Variants in PPP1R35 observed in about 807,000 individuals in gnomAD.
PPP1R35 encodes the protein UPF0683 protein C7orf47.
In PPP1R35, 23 loss-of-function variants were observed where a neutral mutation model predicts 22.2. The ratio of observed to expected loss-of-function variants is 1.04; its 90% CI spans 0.75 to 1.47. The LOEUF (loss-of-function observed/expected upper bound fraction) is 1.47. Among genes scored for constraint, PPP1R35 ranks in the 40% most tolerant of loss-of-function variants. The pLI, the probability that PPP1R35 is intolerant of heterozygous loss-of-function variation, is 0.00. For missense variants in PPP1R35, 409 were observed against 349.6 expected (o/e 1.17, Z -1.36); for synonymous variants, 198 against 165.7 (o/e 1.19, Z -1.50).
rs1433419684 is a variant in PPP1R35, at chr7:100,435,995, C to T, written c.304G>A (p.Glu102Lys). 6.4e-7 allele frequency: 1 copy of T among 1,559,758 alleles called. No homozygotes were observed. The highest frequency in any genetic ancestry group is 1.3e-5 in the African/African-American group (1 of 74,114). The part of the protein sequence containing the change: ...EPQPAVPQEL[E>K]MPVLKSSLAL... The stretch of plus-strand genomic sequence containing the variant: ...AGGCTGCTCTTCAGCACGGGCATCT[C>T]CAGCTCCTGCGGCACCGCAGGCTGC... The change falls in exon 2 of 4, where the codon GAG becomes AAG. Residue 102 changes from glutamate (E) to lysine (K), a missense_variant. Transcript: ENST00000292330.
Position 100,436,487 on chromosome 7 carries a change from C to T in PPP1R35, c.-113G>A, listed in dbSNP as rs1467718338. Reference sequence around the variant, plus strand: ...CCCCGCCCCTCCTAGACGCCGCTACCGGAAACCGTTAACCCTTTCCTTCGG... The same window carrying T: ...CCCCGCCCCTCCTAGACGCCGCTACTGGAAACCGTTAACCCTTTCCTTCGG... On this transcript the variant is annotated 5_prime_UTR_variant, in exon 1 of 4. Transcript: ENST00000292330. 2 of 754,268 alleles carry T rather than the reference C, an allele frequency of 2.7e-6. No individual in the cohort carries two copies. Among genetic ancestry groups the T allele is most frequent in the Non-Finnish European group, 3.9e-6 (2 of 509,228 alleles). 46.7% of individuals were successfully genotyped at this position (754,268 alleles called of 1,614,324 possible).
chr7:100,435,919 G>A lies in PPP1R35; in HGVS notation c.380C>T (p.Ala127Val), dbSNP rs371390877. 6.2e-6 allele frequency: 10 copies of A among 1,601,178 alleles called. No homozygotes were observed. In the Admixed American group the frequency reaches 1.0e-4, roughly 16 times the overall value. Reference sequence around the variant, plus strand: ...TCTCAGCTGTTCCTCCACGGCCTTCGCAGCATCAAAGTGGCTCCCGGCTGC... The same window carrying A: ...TCTCAGCTGTTCCTCCACGGCCTTCACAGCATCAAAGTGGCTCCCGGCTGC... ...RAAAGSHFDA[A>V]KAVEEQLRKS... Residue 127 changes from alanine (A) to valine (V), a missense_variant, in exon 2 of 4, where the codon GCG (alanine) becomes GTG (valine). By Grantham distance (64) the Ala-to-Val change is moderately conservative. Transcript: ENST00000292330.
At position 100,436,014 on chromosome 7, in the gene PPP1R35, A is replaced by C. The variant is rs943627984; in HGVS notation, c.285T>G (p.Pro95=). The part of the protein sequence containing the change: ...PPSPVRSEPQ[P]AVPQELEMPV... ...GCATCTCCAGCTCCTGCGGCACCGC[A>C]GGCTGCGGCTCGGACCGCACCGGGG... Residue 95 remains proline, a synonymous_variant, in exon 2 of 4, where the codon CCT becomes CCG. Coordinates refer to ENST00000292330, the MANE Select transcript of PPP1R35 (RefSeq NM_145030.4). 2 of 1,550,220 alleles carry C rather than the reference A, an allele frequency of 1.3e-6. No homozygotes were observed. Among genetic ancestry groups the C allele is most frequent in the African/African-American group, 2.7e-5 (2 of 73,810 alleles).
Position 100,435,739 on chromosome 7 carries a change from G to A in PPP1R35, c.480C>T (p.Leu160=), listed in dbSNP as rs1798858910. Residue 160 remains leucine, a synonymous_variant, in exon 3 of 4, where the codon CTC becomes CTT. Transcript: ENST00000292330. ...CCTGCAGGCTCACCAGGTCCCGGAA[G>A]AGCCGCTTGGAGCGCGGCACGTTCA... ...EGLNVPRSKR[L]FRDLVSLQVP... 3 of 1,600,770 alleles carry A rather than the reference G, an allele frequency of 1.9e-6. No homozygotes were observed. The highest frequency in any genetic ancestry group is 1.3e-5 in the African/African-American group (1 of 74,900).
In PPP1R35 at chr7:100,435,922, G is replaced by C. The variant is rs780181965; in HGVS notation, c.377C>G (p.Ala126Gly). The change falls in exon 2 of 4, where the codon GCT (alanine) becomes GGT (glycine). Residue 126 changes from alanine to glycine, a missense_variant. Transcript: ENST00000292330. ...LRAAAGSHFD[A>G]AKAVEEQLRK... ...CAGCTGTTCCTCCACGGCCTTCGCAGCATCAAAGTGGCTCCCGGCTGCGGC... is the reference window on the plus strand; with the variant it reads ...CAGCTGTTCCTCCACGGCCTTCGCACCATCAAAGTGGCTCCCGGCTGCGGC... The C allele has an allele frequency of 1.2e-6, 2 of 1,600,624 alleles. No homozygotes were observed. Among genetic ancestry groups the C allele is most frequent in the African/African-American group, 1.3e-5 (1 of 74,962 alleles).
chr7:100,435,646 T>A lies in PPP1R35; in HGVS notation c.573A>T (p.Arg191=). The change falls in exon 3 of 4, where the codon CGA becomes CGT. Residue 191 remains arginine, a synonymous_variant. Coordinates refer to ENST00000292330, the MANE Select transcript of PPP1R35 (RefSeq NM_145030.4). ...ACCCCATCACCTTTGGGTGCGGGGC[T>A]CGAGCCTGTGGCGGCAGGAGAGCCA... ...EKLALLPPQA[R]APHPKEPPGP... 1 of 1,610,776 alleles carries A rather than the reference T, an allele frequency of 6.2e-7. No homozygotes were observed. Among genetic ancestry groups the A allele is most frequent in the Non-Finnish European group, 8.5e-7 (1 of 1,179,274 alleles).
In PPP1R35 at chr7:100,435,882, C is replaced by G; in HGVS notation, c.417G>C (p.Gln139His). ...AVEEQLRKSF[Q>H]IRCGLEESVS... ...CGCTCTCCTCCAGGCCGCAGCGGAT[C>G]TGGAACGACTTTCTCAGCTGTTCCT... Residue 139 changes from glutamine (Q) to histidine (H), a missense_variant, in exon 2 of 4, where the codon CAG (glutamine) becomes CAC (histidine). Transcript: ENST00000292330. 1 of 1,598,730 alleles carries G rather than the reference C, an allele frequency of 6.3e-7. No individual in the cohort carries two copies. The highest frequency in any genetic ancestry group is 1.7e-4 in the Middle Eastern group (1 of 5,848).
In PPP1R35 at chr7:100,435,745, C is replaced by T. The variant is rs767988414; in HGVS notation, c.474G>A (p.Lys158=). 2 of 1,601,234 alleles carry T rather than the reference C, an allele frequency of 1.2e-6. No individual in the cohort carries two copies. Among genetic ancestry groups the T allele is most frequent in the Non-Finnish European group, 1.7e-6 (2 of 1,177,236 alleles). ...GGCTCACCAGGTCCCGGAAGAGCCG[C>T]TTGGAGCGCGGCACGTTCAGCCCTG... ...VSEGLNVPRS[K]RLFRDLVSLQ... is the part of the protein sequence containing the mutation. The change falls in exon 3 of 4, where the codon AAG becomes AAA. Residue 158 remains lysine (K), a synonymous_variant. Transcript: ENST00000292330.
chr7:100,435,793 G>A (rs369494945), intron 2 of PPP1R35, 26 bp from the exon 3 acceptor site: 488 of 1,588,698 alleles, frequency 3.1e-4, no homozygotes, highest in Middle Eastern at 1.2e-3. Flanking sequence ...GGACGGAGGT[G>A]AGTGGCGCGC....
In PPP1R35 at chr7:100,436,423, C is replaced by T; in HGVS notation, c.-49G>A. ...GGGGATGCGGGGGTCGCAGACGCTC[C>T]AACGGTCAGGGGACACAGCCTGGCT... is the stretch of plus-strand genomic sequence containing the variant. On this transcript the variant is annotated 5_prime_UTR_variant, in exon 1 of 4. Coordinates refer to ENST00000292330, the MANE Select transcript of PPP1R35 (RefSeq NM_145030.4). The T allele has an allele frequency of 7.2e-7, 1 of 1,379,824 alleles. No homozygotes were observed. Among genetic ancestry groups the T allele is most frequent in the Non-Finnish European group, 9.7e-7 (1 of 1,032,598 alleles). The allele number at this position is 1,379,824 out of a possible 1,614,324, so 85.5% of individuals were successfully genotyped here.
At position 100,436,203 on chromosome 7, in the gene PPP1R35, C is replaced by G. The variant is rs1798885119; in HGVS notation, c.172G>C (p.Gly58Arg). Reference sequence around the variant, plus strand: ...CGCCCCTTCCGCCGCCCGGGGCTGCCGTGCCGCGGCTGAGGGCTGTCGGGC... The same window carrying G: ...CGCCCCTTCCGCCGCCCGGGGCTGCGGTGCCGCGGCTGAGGGCTGTCGGGC... The part of the protein sequence containing the change: ...PRPDSPQPRH[G>R]SPGRRKGRAE... Residue 58 changes from glycine to arginine, a missense_variant, in exon 1 of 4, where the codon GGC becomes CGC. By Grantham distance (125) the Gly-to-Arg change is moderately radical (BLOSUM62 -2). Transcript: ENST00000292330. 6.4e-6 allele frequency: 8 copies of G among 1,246,490 alleles called. No individual in the cohort carries two copies. Among genetic ancestry groups the G allele is most frequent in the South Asian group, 3.9e-5 (1 of 25,514 alleles). The allele number at this position is 1,246,490 out of a possible 1,614,324, so 77.2% of individuals were successfully genotyped here. A position where few individuals can be genotyped will look rare whatever the true frequency, so the allele number is the denominator to read the frequency against.
chr7:100,435,915 C>T lies in PPP1R35; in HGVS notation c.384G>A (p.Lys128=), dbSNP rs1333385479. The T allele has an allele frequency of 1.2e-6, 2 of 1,601,646 alleles. No homozygotes were observed. Among genetic ancestry groups the T allele is most frequent in the Admixed American group, 3.4e-5 (2 of 59,372 alleles). The stretch of plus-strand genomic sequence containing the variant: ...ACTTTCTCAGCTGTTCCTCCACGGC[C>T]TTCGCAGCATCAAAGTGGCTCCCGG... The part of the protein sequence containing the change: ...AAAGSHFDAA[K]AVEEQLRKSF... Residue 128 remains lysine, a synonymous_variant, in exon 2 of 4, where the codon AAG becomes AAA. Coordinates refer to ENST00000292330, the MANE Select transcript of PPP1R35 (RefSeq NM_145030.4).
chr7:100,436,145 CGCCGCTGCCGA>C lies in PPP1R35; in HGVS notation c.219_229del (p.Arg74AlafsTer48). Reference sequence around the variant, plus strand: ...GGGCCAGCCTCCCCCGCTCACCTGCCGCCGCTGCCGAGCCGCGCCCCGCCGCTCCGCCCGCC... The same window carrying C: ...GGGCCAGCCTCCCCCGCTCACCTGCCGCCGCGCCCCGCCGCTCCGCCCGCC... On this transcript the variant is annotated frameshift_variant, in exon 1 of 4. Transcript: ENST00000292330. LOFTEE classifies it high-confidence loss of function. 1 of 1,270,966 alleles carries C rather than the reference CGCCGCTGCCGA, an allele frequency of 7.9e-7. No homozygotes were observed. The highest frequency in any genetic ancestry group is 9.9e-7 in the Non-Finnish European group (1 of 1,013,082). 78.7% of individuals were successfully genotyped at this position (1,270,966 alleles called of 1,614,324 possible). A position where few individuals can be genotyped will look rare whatever the true frequency, so the allele number is the denominator to read the frequency against.
rs373236874 is a variant in PPP1R35 at position 100,435,545 on chromosome 7, T to C, written c.589-12A>G. The C allele has an allele frequency of 5.8e-5, 93 of 1,613,766 alleles. No individual in the cohort carries two copies. The highest frequency in any genetic ancestry group is 1.3e-4 in the Admixed American group (8 of 59,954). ...GGCCCAGGTGGCTCCTGTTGGGAGG[T>C]TGGGCCCAAAGCAAGGTTACACTTT... On this transcript the variant is annotated splice_polypyrimidine_tract_variant and intron_variant, in intron 3 of 3. Coordinates refer to ENST00000292330, the MANE Select transcript of PPP1R35 (RefSeq NM_145030.4).
rs973622605 is a variant in PPP1R35, at chr7:100,435,348, G to A, written c.*12C>T. ...CAAAAATACGAACTAGCCCTCCAGG[G>A]ATCTTTGGGGTCTACGCTTCCCATC... On this transcript the variant is annotated 3_prime_UTR_variant, in exon 4 of 4. Transcript: ENST00000292330. The A allele has an allele frequency of 1.3e-6, 2 of 1,576,238 alleles. No individual in the cohort carries two copies. The highest frequency in any genetic ancestry group is 1.4e-5 in the African/African-American group (1 of 72,482).
rs1441030330 is a variant in PPP1R35 at position 100,435,404 on chromosome 7, C to T, written c.718G>A (p.Asp240Asn). 6.2e-7 allele frequency: 1 copy of T among 1,612,256 alleles called. No individual in the cohort carries two copies. Among genetic ancestry groups the T allele is most frequent in the Admixed American group, 1.7e-5 (1 of 59,132 alleles). The change falls in exon 4 of 4, where the codon GAC (aspartate) becomes AAC (asparagine). Residue 240 changes from aspartate to asparagine, a missense_variant. Asp to Asn is a conservative substitution (Grantham distance 23). Coordinates refer to ENST00000292330, the MANE Select transcript of PPP1R35 (RefSeq NM_145030.4). ...RLQLRPRPSEDTFLMHRTLRR... is the reference protein window; with the variant it reads ...RLQLRPRPSENTFLMHRTLRR... Reference sequence around the variant, plus strand: ...AGTGTCCGGTGCATGAGGAAGGTGTCCTCTGAAGGGCGGGGCCGGAGTTGA... The same window carrying T: ...AGTGTCCGGTGCATGAGGAAGGTGTTCTCTGAAGGGCGGGGCCGGAGTTGA...
Position 100,436,490 on chromosome 7 carries a change from A to C in PPP1R35, c.-116T>G. On this transcript the variant is annotated 5_prime_UTR_variant, in exon 1 of 4. Transcript: ENST00000292330. ...CGCCCCTCCTAGACGCCGCTACCGG[A>C]AACCGTTAACCCTTTCCTTCGGGGG... 2 of 732,220 alleles carry C rather than the reference A, an allele frequency of 2.7e-6. No homozygotes were observed. Among genetic ancestry groups the C allele is most frequent in the Non-Finnish European group, 4.1e-6 (2 of 490,654 alleles). The allele number at this position is 732,220 out of a possible 1,614,324, so 45.4% of individuals were successfully genotyped here. A position where few individuals can be genotyped will look rare whatever the true frequency, so the allele number is the denominator to read the frequency against.
Position 100,435,969 on chromosome 7 carries a change from C to T in PPP1R35, c.330G>A (p.Leu110=), listed in dbSNP as rs1346408878. 3.2e-6 allele frequency: 5 copies of T among 1,579,556 alleles called. No homozygotes were observed. The Middle Eastern group carries it at 5.1e-4, about 160-fold the overall frequency. Residue 110 remains leucine, a synonymous_variant, in exon 2 of 4, where the codon CTG becomes CTA. Coordinates refer to ENST00000292330, the MANE Select transcript of PPP1R35 (RefSeq NM_145030.4). ...CGGCCCGCAGCTCCAGGCCCAAGGC[C>T]AGGCTGCTCTTCAGCACGGGCATCT... ...ELEMPVLKSS[L]ALGLELRAAA... is the part of the protein sequence containing the mutation.
chr7:100,435,430 A>G lies in PPP1R35; in HGVS notation c.692T>C (p.Leu231Pro). ...CTCTGAAGGGCGGGGCCGGAGTTGA[A>G]GTCGGAGAGGGGGCAGACCGTCCAG... ...LTLDGLPPLRLQLRPRPSEDT... is the reference protein window; with the variant it reads ...LTLDGLPPLRPQLRPRPSEDT... The change falls in exon 4 of 4, where the codon CTT (leucine) becomes CCT (proline). Residue 231 changes from leucine (L) to proline (P), a missense_variant. Physicochemically the swap from Leu to Pro is moderately conservative, Grantham distance 98. Transcript: ENST00000292330. The G allele has an allele frequency of 6.2e-7, 1 of 1,612,306 alleles. No individual in the cohort carries two copies.
Sources: gnomAD v4.1 joint callset for allele counts on GRCh38, gnomAD v4.1.1 for gene constraint, MANE v1.5 for transcripts, NCBI Gene and HGNC (gene_info 2026-07-23, HGNC 2026-07-21) for gene names.